The following GMEB1 variants were observed in gnomAD, a reference collection of about 807,000 sequenced individuals.
GMEB1 encodes glucocorticoid modulatory element binding protein 1.
In GMEB1, 6 loss-of-function variants were observed where a neutral mutation model predicts 52.4. The ratio of observed to expected loss-of-function variants is 0.11; its 90% CI spans 0.06 to 0.23. The LOEUF is 0.23. Ranked by LOEUF, GMEB1 falls within the 10% of genes least tolerant of loss-of-function variation. The probability of loss-of-function intolerance (pLI) is 1.00; values close to 1 mark genes in which losing one functional copy is unlikely to be tolerated. For missense variants in GMEB1, 486 were observed against 685.6 expected, an observed-to-expected ratio of 0.71 and a Z score of 3.25; for synonymous variants, 255 against 244.9, an observed-to-expected ratio of 1.04 and a Z score of -0.38.
intron 6 of GMEB1, 116 bp from the exon 7 acceptor site, chr1:28,702,322 C>G: frequency 1.4e-6 from 1 of 697,048 alleles, no homozygotes; most frequent in East Asian, 3.0e-5. Context: ...GACCTGCAGC[C>G]AAGAGGCTAG....
At chr1:28,700,157 C>T (rs1486074150) in intron 6 of GMEB1, among the ~76,000 whole-genome samples, 1 of 151,430 alleles carries the variant, frequency 6.6e-6, no homozygotes, top group Non-Finnish European at 1.5e-5. Context: ...ATCATGAGGT[C>T]AGGAGTTTGA....
intron 9 of GMEB1, 142 bp from the exon 10 acceptor site, chr1:28,713,931 A>C: frequency 1.5e-6 from 1 of 669,700 alleles, no homozygotes; most frequent in Non-Finnish European, 2.6e-6. Flanking sequence ...CCAAATAAGC[A>C]CAAGAAAGAA....
At position 28,719,147 on chromosome 1, in the gene GMEB1, G is replaced by A. The variant is rs781508105; in HGVS notation, c.*4374G>A. 6.6e-6 allele frequency: 1 copy of A among 152,144 alleles called. No individual in the cohort carries two copies. Among genetic ancestry groups the A allele is most frequent in the Non-Finnish European group, 1.5e-5 (1 of 68,052 alleles). 9.4% of individuals were successfully genotyped at this position (152,144 alleles called of 1,614,324 possible). A position where few individuals can be genotyped will look rare whatever the true frequency, so the allele number is the denominator to read the frequency against. On this transcript the variant is annotated 3_prime_UTR_variant, in exon 10 of 10. Coordinates refer to ENST00000373816, the MANE Select transcript of GMEB1 (RefSeq NM_001319674.2). The stretch of plus-strand genomic sequence containing the variant: ...CAGGACTGGAGTCTAGCTGGCAAAG[G>A]GTAAATGCCCCCAAAGCCTTCCTGC...
In GMEB1 at chr1:28,695,975, T is replaced by A. The variant is rs868697571; in HGVS notation, c.441-952T>A. ...AAAAAAAAAAAAAAAAAAAAAAAAA[T>A]TTTCAGATGATTTGTATGCAGAAAT... On this transcript the variant is annotated intron_variant, in intron 5 of 9. Transcript: ENST00000373816. Among the ~76,000 whole-genome samples, 1,161 of 118,524 alleles carry A rather than the reference T, an allele frequency of 9.8e-3. 27 individuals carry two copies. The highest frequency in any genetic ancestry group is 0.018 in the African/African-American group (550 of 30,658). 77.8% of individuals were successfully genotyped at this position (118,524 alleles called of 152,430 possible). A position where few individuals can be genotyped will look rare whatever the true frequency, so the allele number is the denominator to read the frequency against.
chr1:28,712,416 G>A (rs923764612), intron 9 of GMEB1, among the ~76,000 whole-genome samples: 2 of 152,158 alleles, frequency 1.3e-5, no homozygotes, highest in African/African-American at 2.4e-5. Flanking sequence ...TGGAGGTTCG[G>A]GGGGAGGGCT....
chr1:28,701,559 C>T (rs61786045), intron 6 of GMEB1, among the ~76,000 whole-genome samples: 19,003 of 152,018 alleles, frequency 0.13, 1,487 homozygotes, highest in Non-Finnish European at 0.18. Context: ...TGAGCCACTG[C>T]GCCTGGCCAA....
At chr1:28,704,638 C>T (rs1450423290) in intron 8 of GMEB1, among the ~76,000 whole-genome samples, 2 of 151,484 alleles carry the variant, frequency 1.3e-5, no homozygotes, top group Admixed American at 6.6e-5. Context: ...CGGAGTCTCG[C>T]TCTATCGCCT....
intron 2 of GMEB1, among the ~76,000 whole-genome samples, chr1:28,685,248 C>T (rs368276590): frequency 2.7e-5 from 4 of 150,434 alleles, no homozygotes; most frequent in African/African-American, 9.8e-5. Context: ...CTCACTGTAT[C>T]GCCCAGACTA....
At position 28,717,231 on chromosome 1, in the gene GMEB1, C is replaced by G. The variant is rs1408717992; in HGVS notation, c.*2458C>G. 1.3e-5 allele frequency: 2 copies of G among 151,090 alleles called. No homozygotes were observed. Among genetic ancestry groups the G allele is most frequent in the Non-Finnish European group, 2.9e-5 (2 of 67,894 alleles). 9.4% of individuals were successfully genotyped at this position (151,090 alleles called of 1,614,324 possible). Reference sequence around the variant, plus strand: ...TTGAGATGGAGTCTTGCTCTGTAGCCCAGGCTGGAGTGCAATGGTGTGATC... The same window carrying G: ...TTGAGATGGAGTCTTGCTCTGTAGCGCAGGCTGGAGTGCAATGGTGTGATC... On this transcript the variant is annotated 3_prime_UTR_variant, in exon 10 of 10. Transcript: ENST00000373816.
chr1:28,704,922 TA>T (rs1465422830), intron 8 of GMEB1, among the ~76,000 whole-genome samples: 1 of 151,700 alleles, frequency 6.6e-6, no homozygotes, highest in African/African-American at 2.4e-5. Context: ...AAAAACTTTC[TA>T]AACATTAGTC....
chr1:28,675,426 C>G (rs186464315), intron 1 of GMEB1, among the ~76,000 whole-genome samples: 4 of 152,012 alleles, frequency 2.6e-5, no homozygotes, highest in Admixed American at 2.6e-4. Context: ...CTCCTGTAAT[C>G]CCAGCACTGT....
rs906885872 is a variant in GMEB1 at position 28,713,040 on chromosome 1, C to T, written c.992-1033C>T. On this transcript the variant is annotated intron_variant, in intron 9 of 9. Transcript: ENST00000373816. Reference sequence around the variant, plus strand: ...AGGCGCGGTGGCGGGCGCCTGTAGTCCCAGCTACTCAGGAGGCTGAGGCAG... The same window carrying T: ...AGGCGCGGTGGCGGGCGCCTGTAGTTCCAGCTACTCAGGAGGCTGAGGCAG... Among the ~76,000 whole-genome samples the T allele has an allele frequency of 1.2e-4, 18 of 150,812 alleles. 1 individual carries two copies. Among genetic ancestry groups the T allele is most frequent in the Admixed American group, 7.3e-4 (11 of 15,120 alleles).
chr1:28,711,523 G>A (rs931923861), intron 9 of GMEB1, among the ~76,000 whole-genome samples: 1 of 151,932 alleles, frequency 6.6e-6, no homozygotes, highest in Non-Finnish European at 1.5e-5. Context: ...GCACAATCAC[G>A]GCTCACTGCA....
At position 28,714,159 on chromosome 1, in the gene GMEB1, C is replaced by G. The variant is rs1557526361; in HGVS notation, c.1078C>G (p.Pro360Ala). Reference protein sequence around the residue: ...SQTVQNVVLMPVSTPKPPKRP... With the variant: ...SQTVQNVVLMAVSTPKPPKRP... ...GACAGTTCAAAATGTGGTACTGATG[C>G]CTGTGAGCACTCCTAAGCCTCCAAA... The change falls in exon 10 of 10, where the codon CCT becomes GCT. Residue 360 changes from proline to alanine, a missense_variant. By Grantham distance (27) the Pro-to-Ala change is conservative. Coordinates refer to ENST00000373816, the MANE Select transcript of GMEB1 (RefSeq NM_001319674.2). 6.2e-6 allele frequency: 10 copies of G among 1,614,030 alleles called. No homozygotes were observed. Among genetic ancestry groups the G allele is most frequent in the Non-Finnish European group, 8.5e-6 (10 of 1,179,908 alleles).
At position 28,691,670 on chromosome 1, in the gene GMEB1, G is replaced by T. The variant is rs1669969981; in HGVS notation, c.297G>T (p.Lys99Asn). 1 of 1,582,428 alleles carries T rather than the reference G, an allele frequency of 6.3e-7. No homozygotes were observed. Among genetic ancestry groups the T allele is most frequent in the African/African-American group, 1.3e-5 (1 of 74,252 alleles). ...CGESKAILLWKKFVCPGINVK... is the reference protein window; with the variant it reads ...CGESKAILLWNKFVCPGINVK... ...AGAGCAAAGCCATCCTCCTCTGGAA[G>T]AAGTTTGTATGTCCAGGAATAAACG... The change falls in exon 4 of 10, where the codon AAG (lysine) becomes AAT (asparagine). Residue 99 changes from lysine (K) to asparagine (N), a missense_variant. Coordinates refer to ENST00000373816, the MANE Select transcript of GMEB1 (RefSeq NM_001319674.2).
chr1:28,695,713 C>T (rs28813086), intron 5 of GMEB1, among the ~76,000 whole-genome samples: 28 of 147,886 alleles, frequency 1.9e-4, no homozygotes, highest in Admixed American at 1.3e-4. Context: ...CCGAGGCGGG[C>T]GGATCACGAG....
chr1:28,688,813 C>T (rs902800856), intron 2 of GMEB1, among the ~76,000 whole-genome samples: 4 of 151,596 alleles, frequency 2.6e-5, no homozygotes, highest in Admixed American at 1.3e-4. Context: ...GCTGGTACTA[C>T]TTTTTAGTCT....
At chr1:28,671,574 TACAAAAAATG>T (rs1322349000) in intron 1 of GMEB1, among the ~76,000 whole-genome samples, 1 of 151,930 alleles carries the variant, frequency 6.6e-6, no homozygotes, top group Non-Finnish European at 1.5e-5. Context: ...ACCCCGTCTC[TACAAAAAATG>T]ACAAAAATTA....
At chr1:28,691,195 G>C (rs1287149067) in intron 3 of GMEB1, among the ~76,000 whole-genome samples, 2 of 151,716 alleles carry the variant, frequency 1.3e-5, no homozygotes, top group African/African-American at 4.8e-5. Context: ...CTACTTGGAA[G>C]GCTGAGGCAG....
Sources: allele counts gnomAD v4.1 joint callset (sites outside exome capture counted in the v4.1 genomes callset), GRCh38; gene constraint gnomAD v4.1.1; transcripts MANE v1.5; gene names NCBI Gene and HGNC (gene_info 2026-07-23, HGNC 2026-07-21).